Variants in PTPRM observed in about 807,000 individuals in gnomAD.
The protein encoded by PTPRM is receptor-type tyrosine-protein phosphatase mu.
A neutral mutation model predicts 186.7 loss-of-function variants in PTPRM; 47 were observed. The observed-to-expected ratio is 0.25, with a 90% CI of 0.20 to 0.32. The LOEUF is 0.32. Among genes scored for constraint, PTPRM ranks in the 10% least tolerant of loss-of-function variants. The probability of loss-of-function intolerance (pLI) is 1.00; values close to 1 mark genes in which losing one functional copy is unlikely to be tolerated. For missense variants in PTPRM, 1,494 were observed against 1,865.0 expected, an observed-to-expected ratio of 0.80 and a Z score of 3.66; for synonymous variants, 668 against 674.9, an observed-to-expected ratio of 0.99 and a Z score of 0.16.
intron 32 of PTPRM, among the ~76,000 whole-genome samples, chr18:8,396,944 A>G (rs758353648): frequency 3.9e-5 from 6 of 152,166 alleles, no homozygotes; most frequent in Non-Finnish European, 4.4e-5. Flanking sequence ...ATACCTCTGT[A>G]TGTTGTCTGA....
rs377182615 is a variant in PTPRM at position 7,842,930 on chromosome 18, G to GTGTGTGTATATATATATATATA, written c.197-45175_197-45174insGTGTGTATATATATATATATAT. On this transcript the variant is annotated intron_variant, in intron 2 of 32. Coordinates refer to ENST00000580170, the MANE Select transcript of PTPRM (RefSeq NM_001105244.2). ...CTCATATGTGTGTGTGTGTGTGTGT[G>GTGTGTGTATATATATATATATA]TATATATATATATATATAGAGAGAG... Among the ~76,000 whole-genome samples, 75 of 100,884 alleles carry GTGTGTGTATATATATATATATA rather than the reference G, an allele frequency of 7.4e-4. 1 individual carries two copies. Among genetic ancestry groups the GTGTGTGTATATATATATATATA allele is most frequent in the African/African-American group, 3.5e-3 (70 of 20,164 alleles). 66.2% of individuals were successfully genotyped at this position (100,884 alleles called of 152,430 possible).
intron 3 of PTPRM, among the ~76,000 whole-genome samples, chr18:7,892,274 G>T (rs2049120928): frequency 6.6e-6 from 1 of 152,224 alleles, no homozygotes; most frequent in South Asian, 2.1e-4. Flanking sequence ...GGCCTTGGCT[G>T]CAGTCAGACG....
chr18:7,955,135 A>G lies in PTPRM; in HGVS notation c.853A>G (p.Ile285Val). 2 of 1,605,844 alleles carry G rather than the reference A, an allele frequency of 1.2e-6. No individual in the cohort carries two copies. The highest frequency in any genetic ancestry group is 4.5e-5 in the East Asian group (2 of 44,630). ...ELVVKEPPVP[I>V]APPQLASVGA... ...TTGTCTTTCAGAACCACCCGTTCCTATTGCCCCACCTCAGCTCGCCTCTGT... is the reference window on the plus strand; with the variant it reads ...TTGTCTTTCAGAACCACCCGTTCCTGTTGCCCCACCTCAGCTCGCCTCTGT... Residue 285 changes from isoleucine to valine, a missense_variant, in exon 7 of 33, where the codon ATT (isoleucine) becomes GTT (valine). Transcript: ENST00000580170.
At chr18:7,654,272 G>T (rs1024515987) in intron 1 of PTPRM, among the ~76,000 whole-genome samples, 2 of 152,128 alleles carry the variant, frequency 1.3e-5, no homozygotes, top group Non-Finnish European at 2.9e-5. Flanking sequence ...TAGGTTGTCT[G>T]TTCATTCTGT....
At chr18:8,007,049 A>G (rs1475696144) in intron 7 of PTPRM, among the ~76,000 whole-genome samples, 1 of 152,212 alleles carries the variant, frequency 6.6e-6, no homozygotes, top group Non-Finnish European at 1.5e-5. Context: ...AAACCGCATC[A>G]TTCCCTCTAG....
chr18:7,924,366 A>G (rs2146773356), intron 4 of PTPRM, among the ~76,000 whole-genome samples: 1 of 152,330 alleles, frequency 6.6e-6, no homozygotes, highest in Middle Eastern at 3.4e-3. Context: ...ATTTATTAGA[A>G]GAAATTTGTT....
chr18:8,393,038 C>T (rs1230373182), intron 31 of PTPRM, among the ~76,000 whole-genome samples: 3 of 152,188 alleles, frequency 2.0e-5, no homozygotes, highest in Non-Finnish European at 4.4e-5. Flanking sequence ...GATCCACCAA[C>T]GGATGCTCAA....
intron 14 of PTPRM, among the ~76,000 whole-genome samples, chr18:8,206,268 A>ATTTTTTATTTTTTTTTT (rs1238112461): frequency 3.4e-5 from 5 of 149,094 alleles, no homozygotes; most frequent in African/African-American, 1.0e-4. Context: ...ATTTTATTTT[A>ATTTTTTATTTTTTTTTT]TTTTGAGACG....
intron 2 of PTPRM, among the ~76,000 whole-genome samples, chr18:7,842,933 T>TAC (rs1289883974): frequency 8.4e-6 from 1 of 118,510 alleles, no homozygotes; most frequent in Non-Finnish European, 1.7e-5. Flanking sequence ...TGTGTGTGTA[T>TAC]ATATATATAT....
intron 8 of PTPRM, among the ~76,000 whole-genome samples, chr18:8,074,619 C>A (rs967789788): frequency 6.6e-6 from 1 of 152,126 alleles, no homozygotes; most frequent in Non-Finnish European, 1.5e-5. Context: ...GGTGATATCT[C>A]ATTATGGTTT....
chr18:7,824,614 G>A (rs75699207), intron 2 of PTPRM, among the ~76,000 whole-genome samples: 1,530 of 151,940 alleles, frequency 0.01, 43 homozygotes, highest in East Asian at 0.096. Flanking sequence ...ATTTCTATCA[G>A]CAAGGTACAT....
At chr18:7,910,068 T>G (rs1187020578) in intron 4 of PTPRM, among the ~76,000 whole-genome samples, 2 of 152,246 alleles carry the variant, frequency 1.3e-5, no homozygotes, top group Non-Finnish European at 2.9e-5. Context: ...TTTCTCTTAT[T>G]ACCTTCTGGT....
At chr18:7,864,287 A>C (rs1337097888) in intron 2 of PTPRM, among the ~76,000 whole-genome samples, 1 of 152,212 alleles carries the variant, frequency 6.6e-6, no homozygotes, top group Non-Finnish European at 1.5e-5. Context: ...TATGTCCTGA[A>C]TGGTATTGAC....
In PTPRM at chr18:8,380,434, C is replaced by A. The variant is rs1412497089; in HGVS notation, c.3918+7C>A. ...TGATGTGGATCCTGCCCAGGTGAGA[C>A]CCGGACTTCTTACAGTCAGAACTAG... is the stretch of plus-strand genomic sequence containing the variant. On this transcript the variant is annotated splice_region_variant and intron_variant, in intron 29 of 32. Coordinates refer to ENST00000580170, the MANE Select transcript of PTPRM (RefSeq NM_001105244.2). 6 of 1,614,104 alleles carry A rather than the reference C, an allele frequency of 3.7e-6. No individual in the cohort carries two copies. Among genetic ancestry groups the A allele is most frequent in the African/African-American group, 1.3e-5 (1 of 75,030 alleles).
At chr18:7,701,733 A>C (rs181635015) in intron 1 of PTPRM, among the ~76,000 whole-genome samples, 62 of 152,268 alleles carry the variant, frequency 4.1e-4, no homozygotes, top group African/African-American at 1.5e-3. Flanking sequence ...TTATACTTTA[A>C]GTTCTAGGGT....
chr18:8,175,515 C>T (rs532558683), intron 14 of PTPRM, among the ~76,000 whole-genome samples: 15 of 152,226 alleles, frequency 9.9e-5, no homozygotes, highest in Admixed American at 3.9e-4. Flanking sequence ...TATGTCAATG[C>T]TATAATATAA....
At chr18:7,613,615 G>T (rs1309546150) in intron 1 of PTPRM, among the ~76,000 whole-genome samples, 1 of 152,030 alleles carries the variant, frequency 6.6e-6, no homozygotes, top group South Asian at 2.1e-4. Flanking sequence ...GGAGGTTGCA[G>T]TGAGCCAAGA....
intron 23 of PTPRM, among the ~76,000 whole-genome samples, chr18:8,369,656 T>G (rs1298758193): frequency 6.6e-6 from 1 of 152,148 alleles, no homozygotes; most frequent in East Asian, 1.9e-4. Context: ...CAGAAGAAGT[T>G]AGAAATCAAA....
chr18:8,234,407 T>C (rs2094320647), intron 14 of PTPRM, among the ~76,000 whole-genome samples: 1 of 152,178 alleles, frequency 6.6e-6, no homozygotes. Flanking sequence ...TATAGGAAAG[T>C]ATTGACTTTT....
Sources: gnomAD v4.1 joint callset for allele counts (sites outside exome capture counted in the v4.1 genomes callset) on GRCh38, gnomAD v4.1.1 for gene constraint, MANE v1.5 for transcripts, NCBI Gene and HGNC (gene_info 2026-07-23, HGNC 2026-07-21) for gene names.